The following HPSE2 variants were observed in gnomAD, a reference collection of about 807,000 sequenced individuals.
The protein encoded by HPSE2 is heparanase 2 (inactive), also known as inactive heparanase-2.
Under a neutral mutation model 60.5 loss-of-function variants are expected in HPSE2, and 38 were observed. The ratio of observed to expected loss-of-function variants is 0.63; its 90% confidence interval spans 0.48 to 0.82. The LOEUF (loss-of-function observed/expected upper bound fraction) is 0.82, where lower values mean the gene tolerates loss of function less well. HPSE2 is among the 40% of genes least tolerant of loss of function. The pLI, the probability that HPSE2 is intolerant of heterozygous loss-of-function variation, is 0.00. For missense variants in HPSE2, 713 were observed against 740.4 expected (o/e 0.96, Z 0.43); for synonymous variants, 295 against 293.2 (o/e 1.01, Z -0.06).
chr10:99,196,468 G>T (rs1848401117), intron 2 of HPSE2, among the ~76,000 whole-genome samples: 1 of 152,008 alleles, frequency 6.6e-6, no homozygotes, highest in African/African-American at 2.4e-5. Flanking sequence ...TCTGACAAGG[G>T]ATTAATAACC....
At chr10:99,069,084 A>C (rs573945098) in intron 3 of HPSE2, among the ~76,000 whole-genome samples, 1 of 152,324 alleles carries the variant, frequency 6.6e-6, no homozygotes, top group African/African-American at 2.4e-5. Context: ...GTAACTGAAG[A>C]TGCAGGGAAT....
intron 3 of HPSE2, among the ~76,000 whole-genome samples, chr10:99,120,484 T>C (rs543846947): frequency 6.6e-6 from 1 of 152,102 alleles, no homozygotes; most frequent in East Asian, 1.9e-4. Context: ...CTAATTTTTT[T>C]TTTTTTGAGA....
At chr10:98,509,250 G>A (rs926275112) in intron 9 of HPSE2, among the ~76,000 whole-genome samples, 1 of 151,910 alleles carries the variant, frequency 6.6e-6, no homozygotes, top group Non-Finnish European at 1.5e-5. Context: ...GGAAGCGGGG[G>A]TTGCAGTGAG....
chr10:99,036,201 C>A (rs1171098739), intron 3 of HPSE2, among the ~76,000 whole-genome samples: 1 of 151,960 alleles, frequency 6.6e-6, no homozygotes, highest in Non-Finnish European at 1.5e-5. Flanking sequence ...GGTGACAGGG[C>A]AAGACCCTGA....
At chr10:99,237,546 G>A (rs767025265), upstream of HPSE2, among the ~76,000 whole-genome samples, 32 of 152,146 alleles carry the variant, frequency 2.1e-4, no homozygotes, top group Non-Finnish European at 4.4e-4. Context: ...GCGCCATGAC[G>A]ACCTTCTAGA....
chr10:98,481,231 C>G (rs1338059189), intron 11 of HPSE2, among the ~76,000 whole-genome samples: 1 of 152,176 alleles, frequency 6.6e-6, no homozygotes, highest in Non-Finnish European at 1.5e-5. Flanking sequence ...GATTTAAATG[C>G]ACTCATGATC....
At chr10:98,511,130 G>GTTT (rs11393115) in intron 9 of HPSE2, among the ~76,000 whole-genome samples, 4 of 139,026 alleles carry the variant, frequency 2.9e-5, no homozygotes, top group Non-Finnish European at 4.8e-5. Context: ...ATGTGTTGCT[G>GTTT]TTTTTTTTTT....
intron 9 of HPSE2, among the ~76,000 whole-genome samples, chr10:98,594,415 T>A (rs1161930643): frequency 6.6e-6 from 1 of 152,148 alleles, no homozygotes; most frequent in Admixed American, 6.6e-5. Context: ...CAGATATATA[T>A]CTATATATCT....
rs576399721 is a variant in HPSE2, at chr10:98,937,996, T to C, written c.611-193940A>G. 9.8e-4 allele frequency among the ~76,000 whole-genome samples: 141 copies of C among 143,576 alleles called. 23 individuals carry two copies. Among genetic ancestry groups the C allele is most frequent in the African/African-American group, 3.8e-3 (134 of 35,172 alleles). 94.2% of individuals were successfully genotyped at this position (143,576 alleles called of 152,430 possible). ...GCAAACAGGGTCTGGAGTGGACCTCTAGCAAACTCCAACAGACCTGCAGCT... is the reference window on the plus strand; with the variant it reads ...GCAAACAGGGTCTGGAGTGGACCTCCAGCAAACTCCAACAGACCTGCAGCT... On this transcript the variant is annotated intron_variant, in intron 3 of 11. Coordinates refer to ENST00000370552, the MANE Select transcript of HPSE2 (RefSeq NM_021828.5).
chr10:98,878,155 A>C (rs1952926939), intron 3 of HPSE2, among the ~76,000 whole-genome samples: 1 of 152,002 alleles, frequency 6.6e-6, no homozygotes, highest in Non-Finnish European at 1.5e-5. Flanking sequence ...AACAGCCAGC[A>C]CAGTGCTGTG....
At chr10:98,880,212 A>T (rs1447285217) in intron 3 of HPSE2, among the ~76,000 whole-genome samples, 1 of 152,050 alleles carries the variant, frequency 6.6e-6, no homozygotes, top group Non-Finnish European at 1.5e-5. Flanking sequence ...GTTTTGAGAA[A>T]TACCAGATCC....
At chr10:98,553,010 G>C (rs1943906038) in intron 9 of HPSE2, among the ~76,000 whole-genome samples, 1 of 152,064 alleles carries the variant, frequency 6.6e-6, no homozygotes, top group Admixed American at 6.5e-5. Flanking sequence ...AAAATTGCTT[G>C]GATTAAATTG....
chr10:99,313,159 A>G, the HPSE2 span, among the ~76,000 whole-genome samples: 2 of 152,214 alleles, frequency 1.3e-5, no homozygotes, highest in African/African-American at 4.8e-5. Context: ...TAAATTACCC[A>G]GCCTGAGGTA....
intron 6 of HPSE2, among the ~76,000 whole-genome samples, chr10:98,656,190 G>C (rs979253409): frequency 1.9e-4 from 29 of 151,734 alleles, no homozygotes; most frequent in African/African-American, 7.0e-4. Flanking sequence ...AGGTTTAAGC[G>C]ATTTTCCTTC....
intron 3 of HPSE2, among the ~76,000 whole-genome samples, chr10:98,921,981 T>G (rs568594479): frequency 2.0e-5 from 3 of 152,288 alleles, no homozygotes; most frequent in African/African-American, 7.2e-5. Context: ...AGACCTGTGA[T>G]GTCCAACAGA....
intron 3 of HPSE2, among the ~76,000 whole-genome samples, chr10:99,113,601 T>C (rs911144014): frequency 1.3e-5 from 2 of 152,178 alleles, no homozygotes; most frequent in African/African-American, 4.8e-5. Flanking sequence ...TGTTTTACTT[T>C]GATAATGGTT....
intron 3 of HPSE2, among the ~76,000 whole-genome samples, chr10:98,979,323 A>G (rs1956156453): frequency 6.6e-6 from 1 of 152,176 alleles, no homozygotes; most frequent in African/African-American, 2.4e-5. Flanking sequence ...AGACAGTGCT[A>G]AAATAACATC....
At chr10:99,177,241 CATA>C (rs750133137) in intron 2 of HPSE2, among the ~76,000 whole-genome samples, 1 of 151,942 alleles carries the variant, frequency 6.6e-6, no homozygotes, top group Non-Finnish European at 1.5e-5. Flanking sequence ...CAGCTAACAT[CATA>C]ATGACAGGAT....
intron 5 of HPSE2, among the ~76,000 whole-genome samples, chr10:98,699,744 C>T (rs1320746976): frequency 7.8e-6 from 1 of 128,452 alleles, no homozygotes; most frequent in Non-Finnish European, 1.7e-5. Context: ...TAGAAAATCC[C>T]GTTGTCTCAG....
Sources: gnomAD v4.1 joint callset for allele counts (sites outside exome capture counted in the v4.1 genomes callset) on GRCh38, gnomAD v4.1.1 for gene constraint, MANE v1.5 for transcripts, NCBI Gene and HGNC (gene_info 2026-07-23, HGNC 2026-07-21) for gene names.